KCNQ5: variants seen among roughly 807,000 people sequenced by gnomAD.
KCNQ5 encodes the protein potassium voltage-gated channel subfamily KQT member 5.
In KCNQ5, 30 loss-of-function variants were observed where a neutral mutation model predicts 98.2. That is an observed-to-expected ratio of 0.31 (90% CI 0.23 to 0.41). The LOEUF (loss-of-function observed/expected upper bound fraction) is 0.41, where lower values mean the gene tolerates loss of function less well. KCNQ5 is among the 10% of genes least tolerant of loss of function. The pLI is 1.00. For synonymous variants in KCNQ5, 458 were observed against 449.4 expected (o/e 1.02, Z -0.24); for missense variants, 835 against 1,182.5 (o/e 0.71, Z 4.31).
chr6:72,844,832 G>T (rs1776952153), intron 1 of KCNQ5, among the ~76,000 whole-genome samples: 1 of 152,148 alleles, frequency 6.6e-6, no homozygotes, highest in Admixed American at 6.5e-5. Flanking sequence ...ATTATTCTGT[G>T]CCTGCTCCCT....
chr6:72,705,599 T>TTG (rs1554146891), intron 1 of KCNQ5, among the ~76,000 whole-genome samples: 37,476 of 151,292 alleles, frequency 0.25, 6,129 homozygotes, highest in African/African-American at 0.42. Flanking sequence ...TGTTTTTTTT[T>TTG]TTGTTGTTGT....
chr6:72,826,130 A>G (rs989183956), intron 1 of KCNQ5, among the ~76,000 whole-genome samples: 5 of 152,140 alleles, frequency 3.3e-5, no homozygotes, highest in Non-Finnish European at 5.9e-5. Flanking sequence ...TTCAGGGTAT[A>G]AAAGCAAAAC....
intron 1 of KCNQ5, among the ~76,000 whole-genome samples, chr6:72,696,621 A>G (rs1768517794): frequency 6.6e-6 from 1 of 152,112 alleles, no homozygotes; most frequent in Non-Finnish European, 1.5e-5. Flanking sequence ...CAATCAAAGA[A>G]CTCCATAAAT....
At chr6:72,632,277 A>T (rs2154471610) in intron 1 of KCNQ5, among the ~76,000 whole-genome samples, 1 of 151,364 alleles carries the variant, frequency 6.6e-6, no homozygotes, top group Non-Finnish European at 1.5e-5. Context: ...AGCAGGGACT[A>T]CAGGCGCCCG....
intron 1 of KCNQ5, among the ~76,000 whole-genome samples, chr6:72,664,577 C>T (rs1766698486): frequency 6.6e-6 from 1 of 152,056 alleles, no homozygotes; most frequent in South Asian, 2.1e-4. Context: ...GTCCCTTGAA[C>T]CTGGGAGGCA....
At chr6:72,848,171 G>A (rs1777094905) in intron 1 of KCNQ5, among the ~76,000 whole-genome samples, 1 of 149,848 alleles carries the variant, frequency 6.7e-6, no homozygotes, top group African/African-American at 2.5e-5. Context: ...ATATCTTTAT[G>A]ATAAACTCTC....
chr6:73,023,292 A>G (rs1770694302), intron 2 of KCNQ5, among the ~76,000 whole-genome samples: 1 of 152,206 alleles, frequency 6.6e-6, no homozygotes, highest in Non-Finnish European at 1.5e-5. Flanking sequence ...AGCCAAGACT[A>G]AGAACACATG....
At chr6:72,702,084 C>T (rs1057244237) in intron 1 of KCNQ5, among the ~76,000 whole-genome samples, 2 of 152,110 alleles carry the variant, frequency 1.3e-5, no homozygotes, top group Non-Finnish European at 2.9e-5. Flanking sequence ...AGAGAATGCT[C>T]AACTAAATTG....
chr6:73,089,106 T>G (rs1241797929), intron 5 of KCNQ5, among the ~76,000 whole-genome samples: 1 of 152,198 alleles, frequency 6.6e-6, no homozygotes, highest in Non-Finnish European at 1.5e-5. Context: ...CATTCCTTTA[T>G]TCAGTAAATA....
chr6:72,648,712 A>T (rs768070640), intron 1 of KCNQ5, among the ~76,000 whole-genome samples: 38 of 152,070 alleles, frequency 2.5e-4, no homozygotes, highest in Non-Finnish European at 4.3e-4. Context: ...GAATATTTAA[A>T]TTTTTTTAAA....
chr6:72,703,411 G>T (rs9442836), intron 1 of KCNQ5, among the ~76,000 whole-genome samples: 78,468 of 152,140 alleles, frequency 0.52, 23,648 homozygotes, highest in African/African-American at 0.83. Context: ...TTCTATGGCT[G>T]GTTTGTTTGT....
intron 1 of KCNQ5, among the ~76,000 whole-genome samples, chr6:72,628,997 T>G (rs1232162402): frequency 6.6e-6 from 1 of 152,126 alleles, no homozygotes; most frequent in African/African-American, 2.4e-5. Flanking sequence ...GTCTCTCCCC[T>G]CAACCCCAAT....
chr6:73,028,245 C>T (rs760493233), intron 2 of KCNQ5, among the ~76,000 whole-genome samples: 2 of 152,188 alleles, frequency 1.3e-5, no homozygotes, highest in African/African-American at 2.4e-5. Flanking sequence ...CACGGCAAGA[C>T]GGTGTGAACA....
intron 2 of KCNQ5, among the ~76,000 whole-genome samples, chr6:73,006,826 G>T (rs930314295): frequency 6.6e-5 from 10 of 151,830 alleles, no homozygotes; most frequent in Admixed American, 2.0e-4. Context: ...ATCCCTTTTG[G>T]TTTTTTTAAC....
chr6:73,019,563 A>C (rs1251289756), intron 2 of KCNQ5, among the ~76,000 whole-genome samples: 1 of 152,200 alleles, frequency 6.6e-6, no homozygotes, highest in East Asian at 1.9e-4. Context: ...TAAAACCTGC[A>C]TCAGGACATG....
At chr6:73,124,936 GATATATAT>G (rs1180218889) in intron 9 of KCNQ5, among the ~76,000 whole-genome samples, 12 of 76,274 alleles carry the variant, frequency 1.6e-4, no homozygotes, top group African/African-American at 3.6e-4. Flanking sequence ...CTTTTGGAGT[GATATATAT>G]ATATATATAT....
At chr6:73,095,920 G>A (rs1487666417) in intron 5 of KCNQ5, among the ~76,000 whole-genome samples, 1 of 152,040 alleles carries the variant, frequency 6.6e-6, no homozygotes, top group African/African-American at 2.4e-5. Context: ...CACACTAGTG[G>A]GCAATTTATA....
chr6:73,024,931 TA>T (rs1405756213), intron 2 of KCNQ5, among the ~76,000 whole-genome samples: 1 of 152,222 alleles, frequency 6.6e-6, no homozygotes, highest in Admixed American at 6.5e-5. Flanking sequence ...TTCAATTAAG[TA>T]ATAGTATCAA....
chr6:72,771,267 G>A (rs1266799000), intron 1 of KCNQ5, among the ~76,000 whole-genome samples: 1 of 152,004 alleles, frequency 6.6e-6, no homozygotes, highest in Non-Finnish European at 1.5e-5. Context: ...CAAGATGGAA[G>A]GGTATCCATT....
Sources: allele counts gnomAD v4.1 joint callset (sites outside exome capture counted in the v4.1 genomes callset), GRCh38; gene constraint gnomAD v4.1.1; transcripts MANE v1.5; gene names NCBI Gene and HGNC (gene_info 2026-07-23, HGNC 2026-07-21).